EYS: variants seen among roughly 807,000 people sequenced by gnomAD.
EYS encodes the protein protein eyes shut homolog.
EYS carries 250 observed loss-of-function variants against 282.1 expected under a neutral mutation model. The ratio of observed to expected loss-of-function variants is 0.89; its 90% CI spans 0.80 to 0.98. The LOEUF is 0.98. Among genes scored for constraint, EYS ranks in the 50% least tolerant of loss-of-function variants. The pLI, the probability that EYS is intolerant of heterozygous loss-of-function variation, is 0.00. For missense variants in EYS, 4,016 were observed against 3,709.0 expected (o/e 1.08, Z -2.15); for synonymous variants, 1,355 against 1,282.9 (o/e 1.06, Z -1.20).
At chr6:65,319,262 C>A (rs1381667935) in intron 11 of EYS, among the ~76,000 whole-genome samples, 1 of 143,824 alleles carries the variant, frequency 7.0e-6, no homozygotes, top group Non-Finnish European at 1.5e-5. Context: ...TGCCTGTAAT[C>A]CCAGCTACTT....
chr6:65,599,196 C>A (rs1765525313), intron 2 of EYS, among the ~76,000 whole-genome samples: 1 of 151,940 alleles, frequency 6.6e-6, no homozygotes, highest in Admixed American at 6.6e-5. Context: ...AATGAGGAAC[C>A]CACCTATAGT....
At chr6:63,854,916 C>T (rs1772351907) in intron 36 of EYS, among the ~76,000 whole-genome samples, 1 of 152,096 alleles carries the variant, frequency 6.6e-6, no homozygotes, top group South Asian at 2.1e-4. Flanking sequence ...ATAATGTAGA[C>T]CTCATGAAAC....
intron 29 of EYS, among the ~76,000 whole-genome samples, chr6:64,347,046 T>C (rs576294981): frequency 6.6e-6 from 1 of 151,546 alleles, no homozygotes; most frequent in Admixed American, 6.6e-5. Flanking sequence ...TCACATCACA[T>C]TCTTGGAGAA....
intron 12 of EYS, among the ~76,000 whole-genome samples, chr6:65,069,278 T>C (rs187753738): frequency 3.1e-4 from 47 of 152,126 alleles, no homozygotes; most frequent in Middle Eastern, 3.4e-3. Context: ...AACTTTCATC[T>C]TACATCATCC....
Position 63,748,614 on chromosome 6 carries a change from C to T in EYS, c.8071+13847G>A, listed in dbSNP as rs182183150. Among the ~76,000 whole-genome samples the T allele has an allele frequency of 2.8e-3, 420 of 152,064 alleles. 3 individuals carry two copies. Among genetic ancestry groups the T allele is most frequent in the African/African-American group, 9.6e-3 (397 of 41,474 alleles). On this transcript the variant is annotated intron_variant, in intron 41 of 42. Transcript: ENST00000503581. ...GAATTCAGCTGTGAATCTGTCTGGT[C>T]CTGGGCTTTTTTTGGTTGGTAGGCT...
At chr6:65,026,512 G>C (rs1772412275) in intron 13 of EYS, among the ~76,000 whole-genome samples, 1 of 152,190 alleles carries the variant, frequency 6.6e-6, no homozygotes, top group Non-Finnish European at 1.5e-5. Context: ...ACAAATAAGG[G>C]AGGGGATGTT....
chr6:64,328,275 G>A (rs1342272073), intron 29 of EYS, among the ~76,000 whole-genome samples: 1 of 152,156 alleles, frequency 6.6e-6, no homozygotes, highest in East Asian at 1.9e-4. Flanking sequence ...CCAGTGGCTG[G>A]AGAACAATGC....
intron 2 of EYS, among the ~76,000 whole-genome samples, chr6:65,608,562 T>C (rs1352418489): frequency 6.6e-6 from 1 of 152,098 alleles, no homozygotes; most frequent in Non-Finnish European, 1.5e-5. Flanking sequence ...TTTTCAATGA[T>C]AAATTAACTC....
At chr6:65,368,581 T>G (rs770951487) in intron 8 of EYS, among the ~76,000 whole-genome samples, 2 of 151,750 alleles carry the variant, frequency 1.3e-5, no homozygotes, top group Non-Finnish European at 2.9e-5. Context: ...CTGTGAAAGA[T>G]GCTTCTTACG....
chr6:63,803,614 C>A lies in EYS; in HGVS notation c.7411+2576G>T, dbSNP rs553419838. ...AGGACATAGCATTTGAACTGAGAATCCCTAAGAATGACCACTCTTTAGGAA... is the reference window on the plus strand; with the variant it reads ...AGGACATAGCATTTGAACTGAGAATACCTAAGAATGACCACTCTTTAGGAA... On this transcript the variant is annotated intron_variant, in intron 37 of 42. Coordinates refer to ENST00000503581, the MANE Select transcript of EYS (RefSeq NM_001142800.2). 8.4e-4 allele frequency among the ~76,000 whole-genome samples: 128 copies of A among 152,284 alleles called. 1 individual carries two copies. In the South Asian group the frequency reaches 8.5e-3, roughly 10 times the overall value.
chr6:65,278,228 C>T (rs896734587), intron 12 of EYS, among the ~76,000 whole-genome samples: 1 of 115,608 alleles, frequency 8.6e-6, no homozygotes, highest in African/African-American at 2.8e-5. Context: ...GCTTGTTAAC[C>T]TGCATAATCA....
intron 10 of EYS, among the ~76,000 whole-genome samples, chr6:65,341,103 A>G (rs1005691865): frequency 1.3e-5 from 2 of 151,206 alleles, no homozygotes; most frequent in African/African-American, 4.8e-5. Context: ...GAGGAAGCTC[A>G]GCTGGGAGAG....
chr6:65,264,575 G>T (rs1350425326), intron 12 of EYS, among the ~76,000 whole-genome samples: 31 of 151,994 alleles, frequency 2.0e-4, no homozygotes, highest in Admixed American at 2.0e-3. Context: ...TGAGAAGACT[G>T]TTTAGTTGTT....
intron 31 of EYS, among the ~76,000 whole-genome samples, chr6:64,122,152 T>G (rs1057012635): frequency 6.6e-6 from 1 of 152,142 alleles, no homozygotes; most frequent in Admixed American, 6.5e-5. Context: ...TCAAGTGCAT[T>G]TAATTTACCT....
At chr6:64,677,040 G>A (rs1052315303) in intron 22 of EYS, among the ~76,000 whole-genome samples, 1 of 152,094 alleles carries the variant, frequency 6.6e-6, no homozygotes, top group Non-Finnish European at 1.5e-5. Flanking sequence ...CTTTAATAAA[G>A]CAGATGATAC....
At position 65,077,559 on chromosome 6, in the gene EYS, CA is replaced by C. The variant is rs200180453; in HGVS notation, c.2024-19833del. On this transcript the variant is annotated intron_variant, in intron 12 of 42. Coordinates refer to ENST00000503581, the MANE Select transcript of EYS (RefSeq NM_001142800.2). ...ACGAACATTTTCTGAAACGCTCAAA[CA>C]GAATTACAACTTCTTAACTTTCAGT... 7.4e-3 allele frequency among the ~76,000 whole-genome samples: 1,133 copies of C among 152,150 alleles called. 10 individuals carry two copies. Among genetic ancestry groups the C allele is most frequent in the African/African-American group, 0.024 (986 of 41,548 alleles).
intron 31 of EYS, among the ~76,000 whole-genome samples, chr6:64,195,853 A>T: frequency 6.6e-6 from 1 of 152,198 alleles, no homozygotes; most frequent in Non-Finnish European, 1.5e-5. Flanking sequence ...CATGTCTAAA[A>T]CACCAAAAGC....
rs556747753 is a variant in EYS at position 63,858,154 on chromosome 6, T to C, written c.7228+6032A>G. Among the ~76,000 whole-genome samples the C allele has an allele frequency of 9.2e-5, 14 of 152,276 alleles. No homozygotes were observed. The South Asian group carries it at 1.0e-3, about 11-fold the overall frequency. ...TGCCAAAACTATTAAGAATTTTAAA[T>C]GTGACAATTTTCCTGGTATCAATAA... On this transcript the variant is annotated intron_variant, in intron 36 of 42. Transcript: ENST00000503581.
At chr6:63,818,025 T>C (rs563334965) in intron 36 of EYS, among the ~76,000 whole-genome samples, 2 of 152,332 alleles carry the variant, frequency 1.3e-5, no homozygotes, top group South Asian at 4.1e-4. Context: ...GGGAAGCTAG[T>C]GGGAACCCTC....
Sources: gnomAD v4.1 joint callset for allele counts (sites outside exome capture counted in the v4.1 genomes callset) on GRCh38, gnomAD v4.1.1 for gene constraint, MANE v1.5 for transcripts, NCBI Gene and HGNC (gene_info 2026-07-23, HGNC 2026-07-21) for gene names.